Variants in CRYBA2 observed in about 807,000 individuals in gnomAD.
CRYBA2 encodes crystallin beta A2.
A neutral mutation model predicts 18.5 loss-of-function variants in CRYBA2; 17 were observed. The ratio of observed to expected loss-of-function variants is 0.92; its 90% CI spans 0.63 to 1.38. CRYBA2 has a LOEUF of 1.38. Among genes scored for constraint, CRYBA2 ranks in the 40% most tolerant of loss-of-function variants. The pLI is 0.00. For synonymous variants in CRYBA2, 101 were observed against 106.2 expected, an observed-to-expected ratio of 0.95 and a Z score of 0.30; for missense variants, 271 against 265.0, an observed-to-expected ratio of 1.02 and a Z score of -0.16.
In CRYBA2 at chr2:218,992,468, C is replaced by A. The variant is rs569432473; in HGVS notation, c.162-225G>T. Among the ~76,000 whole-genome samples, 8 of 152,324 alleles carry A rather than the reference C, an allele frequency of 5.3e-5. No individual in the cohort carries two copies. The South Asian group carries it at 1.7e-3, about 32-fold the overall frequency. On this transcript the variant is annotated intron_variant, in intron 1 of 3. Transcript: ENST00000295728. The stretch of plus-strand genomic sequence containing the variant: ...GGCGCCCAGGCTTCCCCCTCAAGGA[C>A]CCCAGGTTGGGAAAGAGTTTTCCTG...
At position 218,993,180 on chromosome 2, in the gene CRYBA2, G is replaced by T. The variant is rs1417518993; in HGVS notation, c.-4C>A. ...CCGGCGCGGGGGCGCTGCTCATGCCGCTGCGGACAGGAAGGGTGGCACCAC... is the reference window on the plus strand; with the variant it reads ...CCGGCGCGGGGGCGCTGCTCATGCCTCTGCGGACAGGAAGGGTGGCACCAC... On this transcript the variant is annotated 5_prime_UTR_variant, in exon 1 of 4. Coordinates refer to ENST00000295728, the MANE Select transcript of CRYBA2 (RefSeq NM_057093.2). The surrounding 1 kb of genome is among the most constrained non-coding windows in gnomAD (Gnocchi z 7.7). 6.3e-7 allele frequency: 1 copy of T among 1,581,184 alleles called. No homozygotes were observed. The highest frequency in any genetic ancestry group is 8.6e-7 in the Non-Finnish European group (1 of 1,164,504).
intron 2 of CRYBA2, chr2:218,991,277 G>GTCCTGGGCATCT (rs1945495056): frequency 6.2e-6 from 2 of 323,026 alleles, no homozygotes; most frequent in Non-Finnish European, 1.1e-5. Context: ...AGAGCATCTT[G>GTCCTGGGCATCT]TGACATGGGC....
Position 218,990,928 on chromosome 2 carries a change from C to T in CRYBA2, c.370G>A (p.Val124Ile), listed in dbSNP as rs1297028905. 24 of 1,614,076 alleles carry T rather than the reference C, an allele frequency of 1.5e-5. No individual in the cohort carries two copies. The highest frequency in any genetic ancestry group is 2.2e-5 in the East Asian group (1 of 44,892). ...GAGGGCAGGGATGGGTAGTCATCAA[C>T]GAGGTCAAACTTGCAGCCTTGGAAG... ...DNFQGCKFDLVDDYPSLPSMG... is the reference protein window; with the variant it reads ...DNFQGCKFDLIDDYPSLPSMG... Residue 124 changes from valine to isoleucine, a missense_variant, in exon 3 of 4, where the codon GTT becomes ATT. Val to Ile is a conservative substitution (Grantham distance 29, BLOSUM62 3). Transcript: ENST00000295728.
chr2:218,990,776 C>G, intron 3 of CRYBA2, 76 bp downstream of exon 3: 2 of 1,561,386 alleles, frequency 1.3e-6, no homozygotes, highest in East Asian at 4.5e-5. Context: ...CCCCACATCA[C>G]TTTTCTCCAC....
chr2:218,991,991 G>A (rs554384999), intron 2 of CRYBA2, 111 bp downstream of exon 2: 17 of 864,516 alleles, frequency 2.0e-5, no homozygotes, highest in Admixed American at 9.6e-5. Flanking sequence ...CACCCATCTC[G>A]GAGTTTGTTT....
intron 2 of CRYBA2, 184 bp from the exon 3 acceptor site, chr2:218,991,178 T>C (rs1945493768): frequency 1.2e-6 from 1 of 816,454 alleles, no homozygotes; most frequent in Non-Finnish European, 1.8e-6. Context: ...CGCTCAGAGG[T>C]TCCCCCGAAC....
intron 2 of CRYBA2, chr2:218,991,231 A>T (rs1034215317): frequency 7.8e-6 from 4 of 515,024 alleles, no homozygotes; most frequent in African/African-American, 3.8e-5. Context: ...TGATTGGGGG[A>T]TAGGATTTCC....
At position 218,992,225 on chromosome 2, in the gene CRYBA2, G is replaced by T. The variant is rs1376977269; in HGVS notation, c.180C>A (p.Tyr60Ter). The T allele has an allele frequency of 6.2e-7, 1 of 1,613,460 alleles. No homozygotes were observed. The highest frequency in any genetic ancestry group is 8.5e-7 in the Non-Finnish European group (1 of 1,179,926). The change falls in exon 2 of 4, where the codon TAC (tyrosine) becomes TAA (stop). Residue 60 changes from tyrosine to a stop codon, truncating the protein, a stop_gained. Coordinates refer to ENST00000295728, the MANE Select transcript of CRYBA2 (RefSeq NM_057093.2). LOFTEE classifies it high-confidence loss of function. ...TGAACTGCTGTCCCTGGAAGTCGGG[G>T]TACTCAAAGGCCACCCAACTGGAAA... Reference protein sequence around the residue: ...VENGVWVAFEYPDFQGQQFIL... With the variant: ...VENGVWVAFE
chr2:218,990,874 A>C lies in CRYBA2; in HGVS notation c.424T>G (p.Ser142Ala), dbSNP rs770331581. 16 of 1,613,888 alleles carry C rather than the reference A, an allele frequency of 9.9e-6. No individual in the cohort carries two copies. The highest frequency in any genetic ancestry group is 5.0e-5 in the Admixed American group (3 of 59,996). The change falls in exon 3 of 4, where the codon TCC (serine) becomes GCC (alanine). Residue 142 changes from serine (S) to alanine (A), a missense_variant. Coordinates refer to ENST00000295728, the MANE Select transcript of CRYBA2 (RefSeq NM_057093.2). ...CACGCTCCGGAGCTGACTTTGAGGG[A>C]ACCCACATCCTTGCTGGCCCAGCCC... ...SMGWASKDVG[S>A]LKVSSGAWVA...
At position 218,992,224 on chromosome 2, in the gene CRYBA2, G is replaced by T. The variant is rs777927118; in HGVS notation, c.181C>A (p.Pro61Thr). ...ENGVWVAFEY[P>T]DFQGQQFILE... ...ATGAACTGCTGTCCCTGGAAGTCGGGGTACTCAAAGGCCACCCAACTGGAA... is the reference window on the plus strand; with the variant it reads ...ATGAACTGCTGTCCCTGGAAGTCGGTGTACTCAAAGGCCACCCAACTGGAA... The change falls in exon 2 of 4, where the codon CCC becomes ACC. Residue 61 changes from proline to threonine, a missense_variant. Pro to Thr is a conservative substitution (Grantham distance 38). Coordinates refer to ENST00000295728, the MANE Select transcript of CRYBA2 (RefSeq NM_057093.2). 6.2e-7 allele frequency: 1 copy of T among 1,613,508 alleles called. No individual in the cohort carries two copies. The highest frequency in any genetic ancestry group is 8.5e-7 in the Non-Finnish European group (1 of 1,179,958).
In CRYBA2 at chr2:218,992,221, C is replaced by T; in HGVS notation, c.184G>A (p.Asp62Asn). 3.1e-6 allele frequency: 5 copies of T among 1,613,520 alleles called. No homozygotes were observed. In the South Asian group the frequency reaches 3.3e-5, roughly 11 times the overall value. ...NGVWVAFEYP[D>N]FQGQQFILEK... is the part of the protein sequence containing the mutation. ...AGAATGAACTGCTGTCCCTGGAAGT[C>T]GGGGTACTCAAAGGCCACCCAACTG... is the stretch of plus-strand genomic sequence containing the variant. Residue 62 changes from aspartate (D) to asparagine (N), a missense_variant, in exon 2 of 4, where the codon GAC (aspartate) becomes AAC (asparagine). Transcript: ENST00000295728.
rs1301036522 is a variant in CRYBA2, at chr2:218,990,891, G to A, written c.407C>T (p.Ala136Val). ...TTTGAGGGAACCCACATCCTTGCTG[G>A]CCCAGCCCATGGAGGGCAGGGATGG... ...DYPSLPSMGW[A>V]SKDVGSLKVS... The change falls in exon 3 of 4, where the codon GCC (alanine) becomes GTC (valine). Residue 136 changes from alanine to valine, a missense_variant. Coordinates refer to ENST00000295728, the MANE Select transcript of CRYBA2 (RefSeq NM_057093.2). 1 of 1,614,122 alleles carries A rather than the reference G, an allele frequency of 6.2e-7. No individual in the cohort carries two copies. The highest frequency in any genetic ancestry group is 8.5e-7 in the Non-Finnish European group (1 of 1,180,006).
At position 218,990,315 on chromosome 2, in the gene CRYBA2, G is replaced by A. The variant is rs373588968; in HGVS notation, c.531C>T (p.Tyr177=). The A allele has an allele frequency of 2.0e-5, 32 of 1,614,024 alleles. No homozygotes were observed. The highest frequency in any genetic ancestry group is 2.7e-5 in the African/African-American group (2 of 74,900). ...RDRHSGEFCT[Y]GELGTQAHTG... ...TGTGGGCCTGTGTGCCGAGCTCACC[G>A]TAAGTACAGAACTCTCCGCTGTGCC... The change falls in exon 4 of 4, where the codon TAC becomes TAT. Residue 177 remains tyrosine (Y), a synonymous_variant. Coordinates refer to ENST00000295728, the MANE Select transcript of CRYBA2 (RefSeq NM_057093.2).
chr2:218,993,223 A>G lies in CRYBA2; in HGVS notation c.-47T>C, dbSNP rs1945520908. The G allele has an allele frequency of 6.5e-7, 1 of 1,537,360 alleles. No individual in the cohort carries two copies. The highest frequency in any genetic ancestry group is 1.4e-5 in the African/African-American group (1 of 71,998). ...GGCACCACGCGCTCAGCGTCTCAAG[A>G]GCCCCGTTTCGAGCCACACACAGCC... On this transcript the variant is annotated 5_prime_UTR_variant, in exon 1 of 4. Transcript: ENST00000295728. The surrounding 1 kb of genome is among the most constrained non-coding windows in gnomAD (Gnocchi z 7.7).
intron 3 of CRYBA2, 121 bp from the exon 4 acceptor site, chr2:218,990,520 C>T: frequency 7.8e-7 from 1 of 1,281,684 alleles, no homozygotes; most frequent in Middle Eastern, 2.6e-4. Flanking sequence ...ATTGCTTCAA[C>T]TTTCCCTCCG....
At chr2:218,991,015 G>C in intron 2 of CRYBA2, 21 bp from the exon 3 acceptor site, 1 of 1,611,814 alleles carries the variant, frequency 6.2e-7, no homozygotes, top group Non-Finnish European at 8.5e-7. Flanking sequence ...GCAAGATCAG[G>C]ACAGAAAGAT....
Position 218,993,321 on chromosome 2 carries a change from C to T in CRYBA2, c.-145G>A. 1 of 743,138 alleles carries T rather than the reference C, an allele frequency of 1.3e-6. No individual in the cohort carries two copies. The highest frequency in any genetic ancestry group is 2.1e-6 in the Non-Finnish European group (1 of 474,844). 46.0% of individuals were successfully genotyped at this position (743,138 alleles called of 1,614,324 possible). A position where few individuals can be genotyped will look rare whatever the true frequency, so the allele number is the denominator to read the frequency against. On this transcript the variant is annotated 5_prime_UTR_variant, in exon 1 of 4. Transcript: ENST00000295728. This position sits in a 1 kb window ranked among gnomAD's most constrained non-coding sequence, Gnocchi z 7.7. ...TAGCTCTGGACCCGGCTGCCAGGGG[C>T]TCGCAGTCTTCCCGCGCTCCCCTCC...
At position 218,993,170 on chromosome 2, in the gene CRYBA2, T is replaced by A. The variant is rs780003913; in HGVS notation, c.7A>T (p.Ser3Cys). Residue 3 changes from serine to cysteine, a missense_variant, in exon 1 of 4, where the codon AGC becomes TGC. By Grantham distance (112) the Ser-to-Cys change is moderately radical (BLOSUM62 -1). Transcript: ENST00000295728. This position sits in a 1 kb window ranked among gnomAD's most constrained non-coding sequence, Gnocchi z 7.7. Reference sequence around the variant, plus strand: ...GGCGCCGGGCCCGGCGCGGGGGCGCTGCTCATGCCGCTGCGGACAGGAAGG... The same window carrying A: ...GGCGCCGGGCCCGGCGCGGGGGCGCAGCTCATGCCGCTGCGGACAGGAAGG... MS[S>C]APAPGPAPAS... 1.9e-6 allele frequency: 3 copies of A among 1,570,992 alleles called. No individual in the cohort carries two copies. Among genetic ancestry groups the A allele is most frequent in the Non-Finnish European group, 1.7e-6 (2 of 1,158,298 alleles).
chr2:218,990,953 G>A lies in CRYBA2; in HGVS notation c.345C>T (p.Asn115=), dbSNP rs1215821075. The A allele has an allele frequency of 1.9e-6, 3 of 1,614,090 alleles. No homozygotes were observed. The highest frequency in any genetic ancestry group is 3.3e-5 in the Admixed American group (2 of 59,996). ...DSRVTLFEGD[N]FQGCKFDLVD... The stretch of plus-strand genomic sequence containing the variant: ...CGAGGTCAAACTTGCAGCCTTGGAA[G>A]TTGTCCCCCTCAAACAGTGTCACAC... The change falls in exon 3 of 4, where the codon AAC becomes AAT. Residue 115 remains asparagine, a synonymous_variant. Transcript: ENST00000295728.
Sources: gnomAD v4.1 joint callset for allele counts (sites outside exome capture counted in the v4.1 genomes callset) on GRCh38, gnomAD v4.1.1 for gene constraint, Gnocchi (gnomAD v3.1) non-coding constraint, MANE v1.5 for transcripts, NCBI Gene and HGNC (gene_info 2026-07-23, HGNC 2026-07-21) for gene names.